The following N4BP1 variants were observed in gnomAD, a reference collection of about 807,000 sequenced individuals.
N4BP1 encodes the protein NEDD4 binding protein 1.
N4BP1 carries 21 observed loss-of-function variants against 70.9 expected under a neutral mutation model. The ratio of observed to expected loss-of-function variants is 0.30; its 90% CI spans 0.21 to 0.43. The LOEUF is 0.43. Ranked by LOEUF, N4BP1 falls within the 20% of genes least tolerant of loss-of-function variation. The probability of loss-of-function intolerance (pLI) is 1.00; values close to 1 mark genes in which losing one functional copy is unlikely to be tolerated. For missense variants in N4BP1, 936 were observed against 1,069.4 expected (o/e 0.88, Z 1.74); for synonymous variants, 387 against 394.6 (o/e 0.98, Z 0.23).
chr16:48,600,529 T>C lies in N4BP1; in HGVS notation c.198+9246A>G, dbSNP rs372409913. The C allele has an allele frequency of 6.3e-5, 37 of 589,218 alleles. No homozygotes were observed. In the East Asian group the frequency reaches 1.4e-3, roughly 22 times the overall value. The allele number at this position is 589,218 out of a possible 1,614,324, so 36.5% of individuals were successfully genotyped here. ...AATAAGAGCTACAGAAAGTTCAGGATATCAAACAGGTCAAGCAAAACATCC... is the reference window on the plus strand; with the variant it reads ...AATAAGAGCTACAGAAAGTTCAGGACATCAAACAGGTCAAGCAAAACATCC... On this transcript the variant is annotated intron_variant, in intron 1 of 6. Transcript: ENST00000262384.
At chr16:48,591,481 T>C (rs891624005) in intron 1 of N4BP1, among the ~76,000 whole-genome samples, 1 of 152,144 alleles carries the variant, frequency 6.6e-6, no homozygotes, top group African/African-American at 2.4e-5. Context: ...GGAAGTTACC[T>C]GTGGCAAAGT....
intron 2 of N4BP1, among the ~76,000 whole-genome samples, chr16:48,554,484 C>A (rs1045371449): frequency 2.0e-5 from 3 of 152,130 alleles, no homozygotes; most frequent in Non-Finnish European, 2.9e-5. Context: ...TTTTACTCTC[C>A]AGCAGTTAAT....
At chr16:48,551,806 G>A (rs867821344) in intron 3 of N4BP1, among the ~76,000 whole-genome samples, 1 of 152,128 alleles carries the variant, frequency 6.6e-6, no homozygotes, top group Non-Finnish European at 1.5e-5. Flanking sequence ...ATTACTTAAG[G>A]TCAGGAGTTC....
chr16:48,596,547 A>G (rs1964417154), intron 1 of N4BP1, among the ~76,000 whole-genome samples: 1 of 152,140 alleles, frequency 6.6e-6, no homozygotes, highest in South Asian at 2.1e-4. Flanking sequence ...TGTTAAACCC[A>G]AAGGGAAGGA....
chr16:48,588,310 T>A (rs1190412919), intron 1 of N4BP1, among the ~76,000 whole-genome samples: 2 of 139,066 alleles, frequency 1.4e-5, no homozygotes, highest in African/African-American at 2.8e-5. Context: ...TTTTTTTTTT[T>A]GGAGATGAAG....
chr16:48,609,105 C>T (rs1964633713), intron 1 of N4BP1, among the ~76,000 whole-genome samples: 1 of 151,328 alleles, frequency 6.6e-6, no homozygotes, highest in Non-Finnish European at 1.5e-5. Context: ...GTACTAGCTA[C>T]TCGGGAGGCT....
chr16:48,598,604 G>A (rs1475925500), intron 1 of N4BP1, among the ~76,000 whole-genome samples: 2 of 152,106 alleles, frequency 1.3e-5, no homozygotes, highest in East Asian at 3.9e-4. Flanking sequence ...ATCCCCTCTT[G>A]GTCCCTCAAT....
At position 48,547,994 on chromosome 16, in the gene N4BP1, A is replaced by C; in HGVS notation, c.2225+13T>G. 6.8e-7 allele frequency: 1 copy of C among 1,472,640 alleles called. No homozygotes were observed. The highest frequency in any genetic ancestry group is 9.5e-7 in the Non-Finnish European group (1 of 1,058,126). The allele number at this position is 1,472,640 out of a possible 1,614,324, so 91.2% of individuals were successfully genotyped here. A position where few individuals can be genotyped will look rare whatever the true frequency, so the allele number is the denominator to read the frequency against. On this transcript the variant is annotated intron_variant, in intron 5 of 6. Coordinates refer to ENST00000262384, the MANE Select transcript of N4BP1 (RefSeq NM_153029.4). ...AAAACTTTTCTGACCAAAGACAAAGAAGAAAATATTACCTTTTTGTAATAA... is the reference window on the plus strand; with the variant it reads ...AAAACTTTTCTGACCAAAGACAAAGCAGAAAATATTACCTTTTTGTAATAA...
Position 48,609,999 on chromosome 16 carries a change from C to T in N4BP1, c.-27G>A. Reference sequence around the variant, plus strand: ...GCGGGCGCGGCCTCCCGCGGCGGCGCCGGGGGCCGGCGGCGGCGACGCCCC... The same window carrying T: ...GCGGGCGCGGCCTCCCGCGGCGGCGTCGGGGGCCGGCGGCGGCGACGCCCC... On this transcript the variant is annotated 5_prime_UTR_variant, in exon 1 of 7. Transcript: ENST00000262384. 1.7e-6 allele frequency: 2 copies of T among 1,151,648 alleles called. No homozygotes were observed. The highest frequency in any genetic ancestry group is 2.1e-6 in the Non-Finnish European group (2 of 936,964). 71.3% of individuals were successfully genotyped at this position (1,151,648 alleles called of 1,614,324 possible).
chr16:48,561,294 T>C lies in N4BP1; in HGVS notation c.1349A>G (p.Glu450Gly). 16 of 1,613,926 alleles carry C rather than the reference T, an allele frequency of 9.9e-6. No individual in the cohort carries two copies. The highest frequency in any genetic ancestry group is 1.4e-5 in the Non-Finnish European group (16 of 1,179,838). The change falls in exon 2 of 7, where the codon GAA (glutamate) becomes GGA (glycine). Residue 450 changes from glutamate (E) to glycine (G), a missense_variant. Coordinates refer to ENST00000262384, the MANE Select transcript of N4BP1 (RefSeq NM_153029.4). ...ACAATTTGAGGTACATGGTTTAGCT[T>C]CCACTTTGAATGGTAACTGAGAAAA... ...EKFSQLPFKV[E>G]AKPCTSNCRI...
intron 1 of N4BP1, among the ~76,000 whole-genome samples, chr16:48,602,528 T>A (rs1964517426): frequency 6.6e-6 from 1 of 152,090 alleles, no homozygotes; most frequent in Non-Finnish European, 1.5e-5. Flanking sequence ...AACATTCTGG[T>A]ATAACCCCAA....
chr16:48,573,635 T>A (rs576641067), intron 1 of N4BP1, among the ~76,000 whole-genome samples: 2 of 152,006 alleles, frequency 1.3e-5, no homozygotes, highest in African/African-American at 4.8e-5. Flanking sequence ...AGCAATATAG[T>A]TGACCCCCAA....
intron 1 of N4BP1, among the ~76,000 whole-genome samples, chr16:48,598,427 A>G (rs1964451182): frequency 6.6e-6 from 1 of 152,216 alleles, no homozygotes; most frequent in South Asian, 2.1e-4. Context: ...TAATAAGGTG[A>G]GTAAAAAAAT....
chr16:48,558,869 T>G (rs888760429), intron 2 of N4BP1, among the ~76,000 whole-genome samples: 2 of 152,232 alleles, frequency 1.3e-5, no homozygotes, highest in Non-Finnish European at 2.9e-5. Flanking sequence ...ACAGTATTAT[T>G]TGGAAATGAA....
At chr16:48,603,366 G>GT (rs1964531720) in intron 1 of N4BP1, among the ~76,000 whole-genome samples, 5 of 151,928 alleles carry the variant, frequency 3.3e-5, no homozygotes, top group Admixed American at 3.3e-4. Flanking sequence ...AGGCCTCTCG[G>GT]TGGCTACTCA....
At chr16:48,544,694 A>G (rs1963564532) in intron 6 of N4BP1, among the ~76,000 whole-genome samples, 1 of 152,250 alleles carries the variant, frequency 6.6e-6, no homozygotes, top group African/African-American at 2.4e-5. Context: ...AATCATTTTC[A>G]GATAAATATT....
In N4BP1 at chr16:48,553,766, A is replaced by G. The variant is rs1471622536; in HGVS notation, c.1890-97T>C. On this transcript the variant is annotated intron_variant, in intron 2 of 6. Coordinates refer to ENST00000262384, the MANE Select transcript of N4BP1 (RefSeq NM_153029.4). ...AAGTTAACATACACATACAACAAAC[A>G]GTAAGAACAAAGTTTCCTTTAATAT... 1.5e-5 allele frequency: 16 copies of G among 1,044,352 alleles called. No homozygotes were observed. The Middle Eastern group carries it at 6.4e-4, about 42-fold the overall frequency. The allele number at this position is 1,044,352 out of a possible 1,614,324, so 64.7% of individuals were successfully genotyped here.
At chr16:48,549,790 T>A (rs1963640026) in intron 4 of N4BP1, among the ~76,000 whole-genome samples, 1 of 152,200 alleles carries the variant, frequency 6.6e-6, no homozygotes, top group African/African-American at 2.4e-5. Context: ...CAGGCCCTCT[T>A]TTCATCTCTT....
In N4BP1 at chr16:48,569,383, C is replaced by A. The variant is rs113011358; in HGVS notation, c.199-6939G>T. Among the ~76,000 whole-genome samples, 353 of 152,174 alleles carry A rather than the reference C, an allele frequency of 2.3e-3. 2 individuals are homozygous for A. The highest frequency in any genetic ancestry group is 8.1e-3 in the African/African-American group (338 of 41,532). ...TATCAGTTCAGTTTTCAAAGCCCTG[C>A]AATGCTATTATTTAATTTTTATTTT... On this transcript the variant is annotated intron_variant, in intron 1 of 6. Coordinates refer to ENST00000262384, the MANE Select transcript of N4BP1 (RefSeq NM_153029.4).
Sources: allele counts gnomAD v4.1 joint callset (sites outside exome capture counted in the v4.1 genomes callset), GRCh38; gene constraint gnomAD v4.1.1; transcripts MANE v1.5; gene names NCBI Gene and HGNC (gene_info 2026-07-23, HGNC 2026-07-21).